The following GPC5 variants were observed in gnomAD, a reference collection of about 807,000 sequenced individuals.
GPC5 encodes glypican-5.
GPC5 carries 47 observed loss-of-function variants against 53.9 expected under a neutral mutation model. The observed-to-expected ratio is 0.87, with a 90% confidence interval of 0.69 to 1.11. GPC5 has a LOEUF of 1.11. Ranked by LOEUF, GPC5 falls within the 50% of genes most tolerant of loss-of-function variation. The probability of loss-of-function intolerance (pLI) is 0.00; values close to 1 mark genes in which losing one functional copy is unlikely to be tolerated. For missense variants in GPC5, 748 were observed against 713.1 expected, an observed-to-expected ratio of 1.05 and a Z score of -0.56; for synonymous variants, 286 against 263.3, an observed-to-expected ratio of 1.09 and a Z score of -0.84.
At chr13:91,700,449 A>C (rs1269292648) in intron 3 of GPC5, among the ~76,000 whole-genome samples, 1 of 152,196 alleles carries the variant, frequency 6.6e-6, no homozygotes. Context: ...AAAATATTAA[A>C]TATCTTGTGA....
At chr13:91,656,365 T>A (rs556771611) in intron 2 of GPC5, among the ~76,000 whole-genome samples, 2 of 152,274 alleles carry the variant, frequency 1.3e-5, no homozygotes, top group African/African-American at 4.8e-5. Flanking sequence ...CAAGAATGTA[T>A]CCATCATGAG....
Position 92,002,279 on chromosome 13 carries a change from C to T in GPC5, c.1401+94222C>T, listed in dbSNP as rs1002126361. On this transcript the variant is annotated intron_variant, in intron 6 of 7. Transcript: ENST00000377067. ...GTTTGTTAAATTGTATTACAAAAAG[C>T]GTATTAACTGTCATTATCTCCATAA... Among the ~76,000 whole-genome samples, 13 of 152,232 alleles carry T rather than the reference C, an allele frequency of 8.5e-5. No homozygotes were observed. The East Asian group carries it at 1.7e-3, about 20-fold the overall frequency.
At chr13:92,814,850 A>G (rs1877414093) in intron 7 of GPC5, among the ~76,000 whole-genome samples, 1 of 151,900 alleles carries the variant, frequency 6.6e-6, no homozygotes, top group Admixed American at 6.6e-5. Context: ...ATTTGTTTTG[A>G]TCAACGAATT....
chr13:92,325,680 A>G (rs1192034177), intron 7 of GPC5, among the ~76,000 whole-genome samples: 1 of 152,114 alleles, frequency 6.6e-6, no homozygotes, highest in Non-Finnish European at 1.5e-5. Context: ...ATAAAAAAGA[A>G]TGAGCTCTTG....
chr13:92,712,606 G>A (rs959986638), intron 7 of GPC5, among the ~76,000 whole-genome samples: 12 of 152,112 alleles, frequency 7.9e-5, no homozygotes, highest in Non-Finnish European at 1.6e-4. Flanking sequence ...AAACTACTCT[G>A]TGAAGGACTC....
At chr13:91,553,641 G>A (rs1355801044) in intron 2 of GPC5, among the ~76,000 whole-genome samples, 2 of 152,024 alleles carry the variant, frequency 1.3e-5, no homozygotes, top group Admixed American at 6.6e-5. Flanking sequence ...CGTTTTATAT[G>A]AGACTTGCAA....
intron 7 of GPC5, among the ~76,000 whole-genome samples, chr13:92,628,259 TC>T (rs1378362188): frequency 1.1e-4 from 14 of 129,730 alleles, no homozygotes; most frequent in South Asian, 2.4e-4. Context: ...TTTTTCTTTT[TC>T]TTTCTTTTTT....
chr13:91,842,848 A>G (rs1322692748), intron 5 of GPC5, among the ~76,000 whole-genome samples: 2 of 152,166 alleles, frequency 1.3e-5, no homozygotes, highest in Non-Finnish European at 2.9e-5. Flanking sequence ...GTGCTCTTTA[A>G]AGTTGAATTA....
chr13:92,803,834 A>G lies in GPC5; in HGVS notation c.1562-62448A>G, dbSNP rs982178981. ...AAATCATGTATTGTTTCTCTTTACA[A>G]TGATTTGCTTAGAATCATGGAGACA... On this transcript the variant is annotated intron_variant, in intron 7 of 7. Coordinates refer to ENST00000377067, the MANE Select transcript of GPC5 (RefSeq NM_004466.6). Among the ~76,000 whole-genome samples the G allele has an allele frequency of 2.6e-5, 4 of 151,950 alleles. 1 individual carries two copies.
intron 2 of GPC5, among the ~76,000 whole-genome samples, chr13:91,653,473 G>GTGCCTA (rs1170434536): frequency 6.6e-6 from 1 of 152,024 alleles, no homozygotes; most frequent in East Asian, 1.9e-4. Flanking sequence ...GCAAAACAGG[G>GTGCCTA]TGCCTATGGT....
intron 7 of GPC5, among the ~76,000 whole-genome samples, chr13:92,305,844 A>G (rs911314909): frequency 6.6e-5 from 10 of 152,202 alleles, no homozygotes; most frequent in Non-Finnish European, 1.5e-4. Flanking sequence ...CTTTGCCTAT[A>G]CAGAGTGGCT....
chr13:92,574,827 T>C (rs528616304), intron 7 of GPC5, among the ~76,000 whole-genome samples: 67 of 152,266 alleles, frequency 4.4e-4, no homozygotes, highest in African/African-American at 1.6e-3. Flanking sequence ...GTTTATTACT[T>C]GAGAGTGTTA....
intron 7 of GPC5, among the ~76,000 whole-genome samples, chr13:92,675,797 A>G (rs1368254192): frequency 6.6e-6 from 1 of 152,126 alleles, no homozygotes; most frequent in Non-Finnish European, 1.5e-5. Context: ...CATATAGCAG[A>G]GCTTTGGTCT....
At chr13:92,162,059 T>C (rs1158291781) in intron 7 of GPC5, among the ~76,000 whole-genome samples, 1 of 148,544 alleles carries the variant, frequency 6.7e-6, no homozygotes, top group Non-Finnish European at 1.5e-5. Context: ...TATCATAAGA[T>C]TTTTTGTCAT....
At chr13:92,587,144 G>C (rs1883563306) in intron 7 of GPC5, among the ~76,000 whole-genome samples, 1 of 151,948 alleles carries the variant, frequency 6.6e-6, no homozygotes, top group South Asian at 2.1e-4. Context: ...GTAAAATGTT[G>C]ACCATCATAT....
intron 7 of GPC5, among the ~76,000 whole-genome samples, chr13:92,157,049 C>A (rs761258007): frequency 6.6e-6 from 1 of 152,020 alleles, no homozygotes; most frequent in African/African-American, 2.4e-5. Flanking sequence ...AGTATGTATT[C>A]CATTAGGTTG....
chr13:92,725,394 T>A (rs1387110222), intron 7 of GPC5, among the ~76,000 whole-genome samples: 1 of 151,514 alleles, frequency 6.6e-6, no homozygotes, highest in East Asian at 1.9e-4. Flanking sequence ...ACTTTCAGAA[T>A]TGAGTGGGCT....
intron 7 of GPC5, among the ~76,000 whole-genome samples, chr13:92,351,741 A>T (rs2043479542): frequency 6.6e-6 from 1 of 152,152 alleles, no homozygotes; most frequent in South Asian, 2.1e-4. Flanking sequence ...TTAATTAAAG[A>T]TAATATATAA....
chr13:92,704,356 A>G (rs1393047227), intron 7 of GPC5, among the ~76,000 whole-genome samples: 1 of 152,062 alleles, frequency 6.6e-6, no homozygotes, highest in African/African-American at 2.4e-5. Flanking sequence ...ATTTCCATGA[A>G]CAAATATTGA....
Sources: allele counts gnomAD v4.1 joint callset (sites outside exome capture counted in the v4.1 genomes callset), GRCh38; gene constraint gnomAD v4.1.1; transcripts MANE v1.5; gene names NCBI Gene and HGNC (gene_info 2026-07-23, HGNC 2026-07-21).